BRD4: variants seen among roughly 807,000 people sequenced by gnomAD.
The protein encoded by BRD4 is bromodomain-containing protein 4.
BRD4 carries 16 observed loss-of-function variants against 142.1 expected under a neutral mutation model. The ratio of observed to expected loss-of-function variants is 0.11; its 90% CI spans 0.08 to 0.17. The LOEUF (loss-of-function observed/expected upper bound fraction) is 0.17. Among genes scored for constraint, BRD4 ranks in the 10% least tolerant of loss-of-function variants. The probability of loss-of-function intolerance (pLI) is 1.00; values close to 1 mark genes in which losing one functional copy is unlikely to be tolerated. For missense variants in BRD4, 1,424 were observed against 1,810.9 expected, an observed-to-expected ratio of 0.79 and a Z score of 3.88; for synonymous variants, 833 against 707.5, an observed-to-expected ratio of 1.18 and a Z score of -2.82.
chr19:15,239,920 G>A lies in BRD4; in HGVS notation c.3272C>T (p.Pro1091Leu), dbSNP rs778688396. The change falls in exon 15 of 20, where the codon CCT becomes CTT. Residue 1091 changes from proline to leucine, a missense_variant. Pro to Leu is a moderately conservative substitution (Grantham distance 98). Coordinates refer to ENST00000679869, the MANE Select transcript of BRD4 (RefSeq NM_001379291.1). The surrounding 1 kb of genome is among the most constrained non-coding windows in gnomAD (Gnocchi z 7.4). ...AGCCCTGCCAGTTACCTGTTTCTTA[G>A]GCTGGACGTTTTGCTGGGGTGGAGA... ...HQSPPQQNVQPKKQELRAASV... is the reference protein window; with the variant it reads ...HQSPPQQNVQLKKQELRAASV... The A allele has an allele frequency of 1.2e-6, 2 of 1,614,128 alleles. No homozygotes were observed. Among genetic ancestry groups the A allele is most frequent in the Non-Finnish European group, 1.7e-6 (2 of 1,180,032 alleles).
Position 15,264,459 on chromosome 19 carries a change from C to T in BRD4, c.1157G>A (p.Gly386Asp), listed in dbSNP as rs2145598830. 6.2e-7 allele frequency: 1 copy of T among 1,612,468 alleles called. No homozygotes were observed. Among genetic ancestry groups the T allele is most frequent in the South Asian group, 1.1e-5 (1 of 90,982 alleles). ...FYKPVDVEALGLHDYCDIIKH... is the reference protein window; with the variant it reads ...FYKPVDVEALDLHDYCDIIKH... ...GATGATGTCACAGTAGTCGTGTAGGCCCAGTGCCTCCACGTCCACAGGCTT... is the reference window on the plus strand; with the variant it reads ...GATGATGTCACAGTAGTCGTGTAGGTCCAGTGCCTCCACGTCCACAGGCTT... The change falls in exon 6 of 20, where the codon GGC (glycine) becomes GAC (aspartate). Residue 386 changes from glycine to aspartate, a missense_variant. Gly to Asp is a moderately conservative substitution (Grantham distance 94). Around this residue, in one of 16 missense-constraint regions of BRD4, gnomAD observed 30 missense variants for 65.2 expected, o/e 0.46. Transcript: ENST00000679869.
chr19:15,304,405 G>A (rs1256661757), intron 1 of BRD4, among the ~76,000 whole-genome samples: 2 of 152,210 alleles, frequency 1.3e-5, no homozygotes, highest in African/African-American at 4.8e-5. Context: ...GGGGGAGTAG[G>A]AAACAGTTAA....
chr19:15,320,984 A>G (rs2048056513), intron 1 of BRD4, among the ~76,000 whole-genome samples: 1 of 152,232 alleles, frequency 6.6e-6, no homozygotes, highest in Admixed American at 6.5e-5. Flanking sequence ...CTGTAATCCC[A>G]ACACTTTGGG....
intron 1 of BRD4, among the ~76,000 whole-genome samples, chr19:15,315,510 T>TGG (rs111759462): frequency 2.7e-5 from 4 of 150,752 alleles, no homozygotes; most frequent in East Asian, 3.9e-4. Context: ...TTAAGGGGAT[T>TGG]GGGGGGGGGA....
chr19:15,243,802 G>C (rs941870233), intron 13 of BRD4, among the ~76,000 whole-genome samples: 2 of 152,154 alleles, frequency 1.3e-5, no homozygotes, highest in African/African-American at 4.8e-5. Flanking sequence ...CAGGCCCCCA[G>C]GAAGGTGGCC....
rs76464639 is a variant in BRD4 at position 15,293,895 on chromosome 19, A to G, written c.-34-20762T>C. ...GGTATCTCATGTAAGTTGAATCACAATATTTGCCCTTTTGTGTCTGACTTC... is the reference window on the plus strand; with the variant it reads ...GGTATCTCATGTAAGTTGAATCACAGTATTTGCCCTTTTGTGTCTGACTTC... On this transcript the variant is annotated intron_variant, in intron 1 of 19. Coordinates refer to ENST00000679869, the MANE Select transcript of BRD4 (RefSeq NM_001379291.1). Among the ~76,000 whole-genome samples, 585 of 152,320 alleles carry G rather than the reference A, an allele frequency of 3.8e-3. 4 individuals carry two copies. The highest frequency in any genetic ancestry group is 0.027 in the Middle Eastern group (8 of 294).
chr19:15,277,473 G>T (rs561771386), intron 1 of BRD4, among the ~76,000 whole-genome samples: 1 of 152,226 alleles, frequency 6.6e-6, no homozygotes, highest in Admixed American at 6.5e-5. Context: ...CACTTGATCA[G>T]CAAGTTGCTG....
chr19:15,301,606 A>G (rs1225154738), intron 1 of BRD4, among the ~76,000 whole-genome samples: 1 of 151,202 alleles, frequency 6.6e-6, no homozygotes, highest in Non-Finnish European at 1.5e-5. Context: ...TCACGCCTGT[A>G]ATCCCAGCAC....
chr19:15,259,160 G>A (rs1039946471), intron 7 of BRD4, among the ~76,000 whole-genome samples: 1 of 152,178 alleles, frequency 6.6e-6, no homozygotes, highest in Non-Finnish European at 1.5e-5. Flanking sequence ...GAGGCAGCTG[G>A]GGCCACATGA....
rs1036823728 is a variant in BRD4, at chr19:15,238,197, T to G, written c.*180A>C. The G allele has an allele frequency of 5.0e-6, 5 of 994,496 alleles. No individual in the cohort carries two copies. Among genetic ancestry groups the G allele is most frequent in the Non-Finnish European group, 7.3e-6 (5 of 688,416 alleles). The allele number at this position is 994,496 out of a possible 1,614,324, so 61.6% of individuals were successfully genotyped here. A position where few individuals can be genotyped will look rare whatever the true frequency, so the allele number is the denominator to read the frequency against. The stretch of plus-strand genomic sequence containing the variant: ...GGCGGGACGTCTGTCCGACTGGCCG[T>G]AAGGCAGACAGGCTCTGCAATCCTC... On this transcript the variant is annotated 3_prime_UTR_variant, in exon 20 of 20. Transcript: ENST00000679869. This position sits in a 1 kb window ranked among gnomAD's most constrained non-coding sequence, Gnocchi z 7.2.
At chr19:15,251,494 A>T (rs1382162756) in intron 11 of BRD4, among the ~76,000 whole-genome samples, 1 of 142,184 alleles carries the variant, frequency 7.0e-6, no homozygotes, top group Non-Finnish European at 1.5e-5. Context: ...GCACCAAAAG[A>T]CCAAAGGGAA....
chr19:15,283,232 G>C (rs926422084), intron 1 of BRD4, among the ~76,000 whole-genome samples: 49 of 152,092 alleles, frequency 3.2e-4, no homozygotes, highest in African/African-American at 1.2e-3. Flanking sequence ...TTCTTAGAGG[G>C]CACGAAGAAT....
rs778524619 is a variant in BRD4 at position 15,332,501 on chromosome 19, A to AGCCGCCGCC, written c.-255_-247dup. 3,095 of 156,970 alleles carry AGCCGCCGCC rather than the reference A, an allele frequency of 0.02. 72 individuals carry two copies. Among genetic ancestry groups the AGCCGCCGCC allele is most frequent in the African/African-American group, 0.05 (1,935 of 38,788 alleles). 9.7% of individuals were successfully genotyped at this position (156,970 alleles called of 1,614,324 possible). ...TGCGGGAGACCAGAACAAACAGCCC[A>AGCCGCCGCC]GCCGCCGCCGCCGCCGCCGCCGCCG... is the stretch of plus-strand genomic sequence containing the variant. On this transcript the variant is annotated 5_prime_UTR_variant, in exon 1 of 20. Coordinates refer to ENST00000679869, the MANE Select transcript of BRD4 (RefSeq NM_001379291.1).
chr19:15,311,316 C>T (rs1389801133), intron 1 of BRD4, among the ~76,000 whole-genome samples: 7 of 151,462 alleles, frequency 4.6e-5, no homozygotes, highest in East Asian at 2.0e-4. Context: ...AAACAAAAAA[C>T]AGTAGGCAGG....
chr19:15,320,339 CG>C (rs2048050928), intron 1 of BRD4, among the ~76,000 whole-genome samples: 1 of 152,044 alleles, frequency 6.6e-6, no homozygotes, highest in African/African-American at 2.4e-5. Flanking sequence ...CAGCAGACTA[CG>C]AGAACTTGAG....
intron 2 of BRD4, among the ~76,000 whole-genome samples, chr19:15,272,400 G>A (rs2047598090): frequency 6.6e-6 from 1 of 152,148 alleles, no homozygotes; most frequent in Non-Finnish European, 1.5e-5. Context: ...CACTACTGCA[G>A]CAAGCCAATT....
intron 1 of BRD4, among the ~76,000 whole-genome samples, chr19:15,316,791 A>G (rs1420948320): frequency 6.6e-6 from 1 of 152,176 alleles, no homozygotes; most frequent in African/African-American, 2.4e-5. Flanking sequence ...AGCATTCTGC[A>G]TCCCTCTTCT....
At chr19:15,326,608 T>C (rs1436201570) in intron 1 of BRD4, among the ~76,000 whole-genome samples, 1 of 152,222 alleles carries the variant, frequency 6.6e-6, no homozygotes, top group Non-Finnish European at 1.5e-5. Flanking sequence ...TTAACCATCA[T>C]TTTAACATTC....
chr19:15,306,592 T>C (rs1206456644), intron 1 of BRD4, among the ~76,000 whole-genome samples: 1 of 152,106 alleles, frequency 6.6e-6, no homozygotes, highest in Non-Finnish European at 1.5e-5. Flanking sequence ...TCTGACTTGG[T>C]GTGAGAGACG....
Sources: gnomAD v4.1 joint callset for allele counts (sites outside exome capture counted in the v4.1 genomes callset) on GRCh38, gnomAD v4.1.1 for gene constraint, gnomAD v4.1.1 regional missense constraint, Gnocchi (gnomAD v3.1) non-coding constraint, MANE v1.5 for transcripts, NCBI Gene and HGNC (gene_info 2026-07-23, HGNC 2026-07-21) for gene names.